The following DCBLD2 variants were observed in gnomAD, a reference collection of about 807,000 sequenced individuals.
DCBLD2 encodes discoidin, CUB and LCCL domain-containing protein 2.
In DCBLD2, 54 loss-of-function variants were observed where a neutral mutation model predicts 86.8. That is an observed-to-expected ratio of 0.62 (90% CI 0.50 to 0.78). The LOEUF is 0.78. Among genes scored for constraint, DCBLD2 ranks in the 30% least tolerant of loss-of-function variants. The pLI, the probability that DCBLD2 is intolerant of heterozygous loss-of-function variation, is 0.00. For missense variants in DCBLD2, 908 were observed against 954.2 expected, an observed-to-expected ratio of 0.95 and a Z score of 0.64; for synonymous variants, 354 against 341.3, an observed-to-expected ratio of 1.04 and a Z score of -0.41.
chr3:98,869,381 C>G (rs2107509451), intron 2 of DCBLD2, among the ~76,000 whole-genome samples: 1 of 152,304 alleles, frequency 6.6e-6, no homozygotes, highest in Non-Finnish European at 1.5e-5. Context: ...AATATTTTCT[C>G]CCATTCTGTA....
At chr3:98,827,215 A>G (rs982445565) in intron 3 of DCBLD2, among the ~76,000 whole-genome samples, 1 of 152,218 alleles carries the variant, frequency 6.6e-6, no homozygotes, top group African/African-American at 2.4e-5. Flanking sequence ...CAACCAGAAG[A>G]GCAGGCAAAT....
chr3:98,811,327 A>G lies in DCBLD2; in HGVS notation c.1451-8T>C, dbSNP rs1406368165. On this transcript the variant is annotated splice_region_variant and splice_polypyrimidine_tract_variant and intron_variant, in intron 11 of 15. Transcript: ENST00000326840. Reference sequence around the variant, plus strand: ...TAAATTTTGGGGCACGACCTTTAAAAAAGTTTCAAAAGCTCTTTACTTTTT... The same window carrying G: ...TAAATTTTGGGGCACGACCTTTAAAGAAGTTTCAAAAGCTCTTTACTTTTT... The G allele has an allele frequency of 6.2e-7, 1 of 1,609,842 alleles. No individual in the cohort carries two copies.
intron 3 of DCBLD2, among the ~76,000 whole-genome samples, chr3:98,825,643 T>TTA (rs56736194): frequency 0.014 from 1,641 of 114,950 alleles, 34 homozygotes; most frequent in Middle Eastern, 0.019. Context: ...ATATGTGTAT[T>TTA]TATATATATA....
At chr3:98,895,345 GCCTGGC>G (rs1943733269) in intron 1 of DCBLD2, 1 of 152,164 alleles carries the variant, frequency 6.6e-6, no homozygotes, top group South Asian at 2.1e-4. Context: ...GTGGTACCAT[GCCTGGC>G]CCACAGTAAC....
At chr3:98,828,602 G>T (rs1275307163) in intron 3 of DCBLD2, among the ~76,000 whole-genome samples, 10 of 152,178 alleles carry the variant, frequency 6.6e-5, no homozygotes, top group Non-Finnish European at 8.8e-5. Flanking sequence ...TGCAGTACTA[G>T]TAAAATTGTA....
At position 98,812,507 on chromosome 3, in the gene DCBLD2, G is replaced by A. The variant is rs371201570; in HGVS notation, c.1213-25C>T. 3.1e-6 allele frequency: 5 copies of A among 1,598,944 alleles called. No individual in the cohort carries two copies. The African/African-American group carries it at 4.0e-5, about 13-fold the overall frequency. ...TCTTTAAAAAAACAACAAAAAATTG[G>A]TACTTCAAATCAATAGAGGTCAGGG... On this transcript the variant is annotated intron_variant, in intron 9 of 15. Coordinates refer to ENST00000326840, the MANE Select transcript of DCBLD2 (RefSeq NM_080927.4).
intron 9 of DCBLD2, among the ~76,000 whole-genome samples, chr3:98,816,519 T>C (rs1440424512): frequency 6.6e-6 from 1 of 152,142 alleles, no homozygotes; most frequent in Non-Finnish European, 1.5e-5. Flanking sequence ...GGAGACAGTA[T>C]TGTTATTTTC....
intron 3 of DCBLD2, among the ~76,000 whole-genome samples, chr3:98,839,410 G>C (rs529722168): frequency 6.6e-6 from 1 of 152,134 alleles, no homozygotes; most frequent in African/African-American, 2.4e-5. Flanking sequence ...CACACTAGCT[G>C]TTTTTAGTTG....
intron 15 of DCBLD2, 104 bp downstream of exon 15, chr3:98,800,475 T>C: frequency 1.3e-5 from 17 of 1,286,312 alleles, no homozygotes; most frequent in Non-Finnish European, 1.7e-5. Flanking sequence ...AATTCATTTC[T>C]TAAACATGAA....
chr3:98,863,072 C>A (rs1943075486), intron 2 of DCBLD2, among the ~76,000 whole-genome samples: 1 of 152,062 alleles, frequency 6.6e-6, no homozygotes, highest in South Asian at 2.1e-4. Context: ...TCTTATATAC[C>A]AATAACAGAC....
intron 2 of DCBLD2, among the ~76,000 whole-genome samples, chr3:98,866,000 G>A (rs1178692448): frequency 6.6e-6 from 1 of 151,798 alleles, no homozygotes; most frequent in African/African-American, 2.4e-5. Context: ...GAGAATGATG[G>A]TTTCCAGCTT....
At chr3:98,835,485 A>G (rs565228834) in intron 3 of DCBLD2, among the ~76,000 whole-genome samples, 1 of 140,488 alleles carries the variant, frequency 7.1e-6, no homozygotes, top group African/African-American at 2.6e-5. Flanking sequence ...GTAAACATCT[A>G]TTGAGCACCA....
intron 2 of DCBLD2, 44 bp downstream of exon 2, chr3:98,881,496 G>C: frequency 6.8e-7 from 1 of 1,469,986 alleles, no homozygotes; most frequent in Non-Finnish European, 9.5e-7. Context: ...ACATCATTGA[G>C]ACAATGATGT....
At chr3:98,832,389 GC>G (rs1214704138) in intron 3 of DCBLD2, among the ~76,000 whole-genome samples, 4 of 152,028 alleles carry the variant, frequency 2.6e-5, no homozygotes, top group African/African-American at 9.7e-5. Flanking sequence ...TTTTTATTCA[GC>G]ATGCCACTCT....
At chr3:98,825,644 TATATA>T (rs1942203912) in intron 3 of DCBLD2, among the ~76,000 whole-genome samples, 1 of 2,140 alleles carries the variant, frequency 4.7e-4, no homozygotes, top group Non-Finnish European at 1.2e-3. Flanking sequence ...TATGTGTATT[TATATA>T]TATATATATA....
At chr3:98,853,120 T>C (rs1356932398) in intron 2 of DCBLD2, among the ~76,000 whole-genome samples, 2 of 152,204 alleles carry the variant, frequency 1.3e-5, no homozygotes, top group African/African-American at 2.4e-5. Context: ...TCCAAGAATA[T>C]TGTGCTTTTG....
chr3:98,883,764 A>G (rs891377788), intron 1 of DCBLD2, among the ~76,000 whole-genome samples: 3 of 152,176 alleles, frequency 2.0e-5, no homozygotes, highest in Admixed American at 6.5e-5. Context: ...GGAACAGTAC[A>G]GCACTTACAC....
intron 2 of DCBLD2, among the ~76,000 whole-genome samples, chr3:98,858,451 G>A (rs995155196): frequency 7.2e-5 from 11 of 152,260 alleles, no homozygotes; most frequent in African/African-American, 1.7e-4. Context: ...GAGAGCGAGC[G>A]AGGCCTGCGA....
chr3:98,834,218 ATAACT>A (rs1211761390), intron 3 of DCBLD2, among the ~76,000 whole-genome samples: 20 of 147,082 alleles, frequency 1.4e-4, no homozygotes, highest in African/African-American at 5.0e-4. Flanking sequence ...AGTACATATG[ATAACT>A]TAATACATTC....
Sources: gnomAD v4.1 joint callset for allele counts (sites outside exome capture counted in the v4.1 genomes callset) on GRCh38, gnomAD v4.1.1 for gene constraint, MANE v1.5 for transcripts, NCBI Gene and HGNC (gene_info 2026-07-23, HGNC 2026-07-21) for gene names.